HPS4: variants seen among roughly 807,000 people sequenced by gnomAD.
HPS4 encodes BLOC-3 complex member HPS4.
Under a neutral mutation model 70.3 loss-of-function variants are expected in HPS4, and 44 were observed. The ratio of observed to expected loss-of-function variants is 0.63; its 90% CI spans 0.49 to 0.80. HPS4 has a LOEUF of 0.80. Among genes scored for constraint, HPS4 ranks in the 30% least tolerant of loss-of-function variants. HPS4 has a pLI of 0.00. For missense variants in HPS4, 873 were observed against 884.4 expected (o/e 0.99, Z 0.16); for synonymous variants, 377 against 355.9 (o/e 1.06, Z -0.67).
At chr22:26,479,120 G>C in intron 3 of HPS4, 145 bp downstream of exon 3, 1 of 807,832 alleles carries the variant, frequency 1.2e-6, no homozygotes, top group Admixed American at 2.3e-5. Context: ...AGAACAACAA[G>C]AAATAGTACA....
At chr22:26,450,373 C>T (rs1178938483), downstream of HPS4, among the ~76,000 whole-genome samples, 1 of 152,196 alleles carries the variant, frequency 6.6e-6, no homozygotes, top group Non-Finnish European at 1.5e-5. Flanking sequence ...ACATCTTAGC[C>T]ACATTGGAAA....
intron 5 of HPS4, among the ~76,000 whole-genome samples, 164 bp downstream of exon 5, chr22:26,472,668 T>C (rs1445050965): frequency 6.6e-6 from 1 of 152,262 alleles, no homozygotes; most frequent in Non-Finnish European, 1.5e-5. Context: ...CCTATGCCAC[T>C]AGGCCCAAAG....
chr22:26,454,653 T>C (rs999328755), intron 13 of HPS4, among the ~76,000 whole-genome samples: 13 of 152,314 alleles, frequency 8.5e-5, no homozygotes, highest in African/African-American at 2.6e-4. Context: ...GGCAATACCA[T>C]TCAGGACATA....
intron 2 of HPS4, among the ~76,000 whole-genome samples, chr22:26,480,549 TCTG>T (rs750509040): frequency 3.0e-4 from 45 of 152,244 alleles, no homozygotes; most frequent in Non-Finnish European, 5.7e-4. Flanking sequence ...CAATGTGTCA[TCTG>T]CTCTCTTCCC....
chr22:26,462,874 G>A (rs896682218), intron 11 of HPS4, among the ~76,000 whole-genome samples: 1 of 152,202 alleles, frequency 6.6e-6, no homozygotes, highest in Admixed American at 6.5e-5. Context: ...TGTGGAAAGG[G>A]CACAGAGAAG....
intron 6 of HPS4, chr22:26,471,047 G>A (rs536929382): frequency 9.3e-6 from 7 of 754,558 alleles, no homozygotes; most frequent in African/African-American, 8.6e-5. Context: ...GGCCTGTCCA[G>A]AAGCTAGAAG....
At chr22:26,474,192 T>C (rs1206317875) in intron 4 of HPS4, among the ~76,000 whole-genome samples, 3 of 152,214 alleles carry the variant, frequency 2.0e-5, no homozygotes, top group Non-Finnish European at 4.4e-5. Context: ...TATAAAGCTA[T>C]AGAAATCAAG....
chr22:26,448,920 A>G (rs2085044948), downstream of HPS4, among the ~76,000 whole-genome samples: 1 of 152,208 alleles, frequency 6.6e-6, no homozygotes, highest in African/African-American at 2.4e-5. Flanking sequence ...GCCGGGTGGC[A>G]GTCAGAATCA....
At chr22:26,474,223 A>G (rs1315083820) in intron 4 of HPS4, among the ~76,000 whole-genome samples, 2 of 152,248 alleles carry the variant, frequency 1.3e-5, no homozygotes, top group Non-Finnish European at 2.9e-5. Flanking sequence ...ACTCACACAG[A>G]ATCTTCAAAC....
In HPS4 at chr22:26,452,012, A is replaced by ACG. The variant is rs2085305436; in HGVS notation, c.*1220_*1221insCG. On this transcript the variant is annotated 3_prime_UTR_variant, in exon 14 of 14. Transcript: ENST00000398145. ...CGCGCGCGCGCGCGCGCGCACACAC[A>ACG]CACACACACACACACACACACACAC... The ACG allele has an allele frequency of 4.9e-4, 103 of 210,120 alleles. No homozygotes were observed. The highest frequency in any genetic ancestry group is 3.2e-3 in the African/African-American group (90 of 27,952). 13.0% of individuals were successfully genotyped at this position (210,120 alleles called of 1,614,324 possible).
At position 26,452,790 on chromosome 22, in the gene HPS4, A is replaced by C. The variant is rs2085423921; in HGVS notation, c.*443T>G. ...GAGTCGGCCTGCTCACAGATCCGGC[A>C]CCTCGCTGTGCAGTCACACCGCCTA... On this transcript the variant is annotated 3_prime_UTR_variant, in exon 14 of 14. Coordinates refer to ENST00000398145, the MANE Select transcript of HPS4 (RefSeq NM_022081.6). The C allele has an allele frequency of 7.9e-6, 2 of 252,734 alleles. No individual in the cohort carries two copies. Among genetic ancestry groups the C allele is most frequent in the South Asian group, 9.3e-5 (2 of 21,620 alleles). 15.7% of individuals were successfully genotyped at this position (252,734 alleles called of 1,614,324 possible). A position where few individuals can be genotyped will look rare whatever the true frequency, so the allele number is the denominator to read the frequency against.
In HPS4 at chr22:26,465,402, C is replaced by T. The variant is rs956791564; in HGVS notation, c.803+53G>A. 66 of 1,307,578 alleles carry T rather than the reference C, an allele frequency of 5.0e-5. 1 individual carries two copies. The South Asian group carries it at 5.9e-4, about 12-fold the overall frequency. 81.0% of individuals were successfully genotyped at this position (1,307,578 alleles called of 1,614,324 possible). A position where few individuals can be genotyped will look rare whatever the true frequency, so the allele number is the denominator to read the frequency against. ...GAGGTTTGTTTTTTAACCAATCACGCGATGGGGTCCCTCAGGTGTGGTGCA... is the reference window on the plus strand; with the variant it reads ...GAGGTTTGTTTTTTAACCAATCACGTGATGGGGTCCCTCAGGTGTGGTGCA... On this transcript the variant is annotated intron_variant, in intron 10 of 13. Coordinates refer to ENST00000398145, the MANE Select transcript of HPS4 (RefSeq NM_022081.6).
intron 11 of HPS4, among the ~76,000 whole-genome samples, 198 bp from the exon 12 acceptor site, chr22:26,458,775 C>G (rs1183417932): frequency 6.6e-6 from 1 of 150,862 alleles, no homozygotes; most frequent in Non-Finnish European, 1.5e-5. Flanking sequence ...GAGCCGAGAC[C>G]GCACCACCAC....
In HPS4 at chr22:26,472,417, T is replaced by C; in HGVS notation, c.386A>G (p.Asn129Ser). The change falls in exon 6 of 14, where the codon AAC becomes AGC. Residue 129 changes from asparagine (N) to serine (S), a missense_variant and splice_region_variant. Coordinates refer to ENST00000398145, the MANE Select transcript of HPS4 (RefSeq NM_022081.6). ...YNGPVSLAYE[N>S]CSQEELSTEW... ...CGTGCTCAGTTCTTCCTGAGAACAG[T>C]TCTAAAACAGAAAGAGCCTCAGGTC... The C allele has an allele frequency of 6.3e-7, 1 of 1,589,624 alleles. No individual in the cohort carries two copies. Among genetic ancestry groups the C allele is most frequent in the Non-Finnish European group, 8.6e-7 (1 of 1,157,670 alleles).
At chr22:26,481,545 CAT>C (rs534095388) in intron 2 of HPS4, among the ~76,000 whole-genome samples, 175 bp downstream of exon 2, 112 of 152,352 alleles carry the variant, frequency 7.4e-4, no homozygotes, top group African/African-American at 2.5e-3. Context: ...AAGGTTAAAA[CAT>C]GTTAGCTTTG....
intron 5 of HPS4, 127 bp from the exon 6 acceptor site, chr22:26,472,545 A>G (rs1326259374): frequency 7.6e-6 from 6 of 791,924 alleles, no homozygotes; most frequent in Non-Finnish European, 1.4e-5. Flanking sequence ...ACCTGTTTTA[A>G]ACCTATCCCA....
At chr22:26,478,001 T>A (rs2090785148) in intron 3 of HPS4, among the ~76,000 whole-genome samples, 2 of 151,614 alleles carry the variant, frequency 1.3e-5, no homozygotes. Context: ...GAAAAAGAAA[T>A]GGAAGGATGG....
chr22:26,470,098 C>T (rs566715547), intron 7 of HPS4, among the ~76,000 whole-genome samples: 8 of 152,382 alleles, frequency 5.2e-5, no homozygotes, highest in Admixed American at 3.3e-4. Context: ...CCGGGCACAG[C>T]GCAATGGCCC....
downstream of HPS4, chr22:26,443,690 C>G (rs1338128667): frequency 6.6e-6 from 1 of 152,414 alleles, no homozygotes; most frequent in Admixed American, 6.5e-5. Flanking sequence ...TGCTGGCACA[C>G]TGGGGACCCT....
Sources: gnomAD v4.1 joint callset for allele counts (sites outside exome capture counted in the v4.1 genomes callset) on GRCh38, gnomAD v4.1.1 for gene constraint, MANE v1.5 for transcripts, NCBI Gene and HGNC (gene_info 2026-07-23, HGNC 2026-07-21) for gene names.